FRMD3: variants seen among roughly 807,000 people sequenced by gnomAD.
The protein encoded by FRMD3 is FERM domain-containing protein 3.
Under a neutral mutation model 70.2 loss-of-function variants are expected in FRMD3, and 33 were observed. That is an observed-to-expected ratio of 0.47 (90% CI 0.36 to 0.63). The LOEUF (loss-of-function observed/expected upper bound fraction) is 0.63. FRMD3 is among the 20% of genes least tolerant of loss of function. The pLI is 0.00. For synonymous variants in FRMD3, 279 were observed against 255.9 expected, an observed-to-expected ratio of 1.09 and a Z score of -0.86; for missense variants, 632 against 711.4, an observed-to-expected ratio of 0.89 and a Z score of 1.27.
At chr9:83,458,910 A>G (rs1216881044) in intron 1 of FRMD3, among the ~76,000 whole-genome samples, 1 of 152,226 alleles carries the variant, frequency 6.6e-6, no homozygotes, top group Non-Finnish European at 1.5e-5. Flanking sequence ...GCCAAGCACC[A>G]TTTTCTACTT....
the FRMD3 span, among the ~76,000 whole-genome samples, chr9:83,546,060 C>CA: frequency 0.015 from 1,470 of 95,652 alleles, 11 homozygotes; most frequent in Admixed American, 0.039. Flanking sequence ...TTTCAGTCTT[C>CA]AAAAAAAAAA....
intron 3 of FRMD3, among the ~76,000 whole-genome samples, chr9:83,350,052 G>A (rs982605274): frequency 2.0e-5 from 3 of 152,054 alleles, no homozygotes; most frequent in Non-Finnish European, 4.4e-5. Context: ...ATTCTCTCCA[G>A]CACACAGCTC....
chr9:83,474,448 C>T (rs567150370), intron 1 of FRMD3, among the ~76,000 whole-genome samples: 2 of 152,190 alleles, frequency 1.3e-5, no homozygotes, highest in East Asian at 3.9e-4. Flanking sequence ...TATGAAAAAT[C>T]AAAGGTTCTT....
rs747580779 is a variant in FRMD3, at chr9:83,537,587, G to A, written c.147+498C>T. ...GGCGGAGGGTGAGGGGGACCGACAC[G>A]GAGCGGAAAGCAGGTTCCGGGACTG... On this transcript the variant is annotated intron_variant, in intron 1 of 13. Transcript: ENST00000304195. This position sits in a 1 kb window ranked among gnomAD's most constrained non-coding sequence, Gnocchi z 4.1. Among the ~76,000 whole-genome samples, 1 of 152,210 alleles carries A rather than the reference G, an allele frequency of 6.6e-6. No homozygotes were observed. The highest frequency in any genetic ancestry group is 2.1e-4 in the South Asian group (1 of 4,834).
intron 1 of FRMD3, among the ~76,000 whole-genome samples, chr9:83,470,888 G>A (rs1828252162): frequency 6.6e-6 from 1 of 152,228 alleles, no homozygotes; most frequent in South Asian, 2.1e-4. Flanking sequence ...AAAAGTGACT[G>A]AAGAATGTGA....
the FRMD3 span, among the ~76,000 whole-genome samples, chr9:83,573,786 T>C: frequency 6.6e-6 from 1 of 150,720 alleles, no homozygotes; most frequent in African/African-American, 2.4e-5. Context: ...ACCCCCCACC[T>C]TGCCACCCAT....
rs753230861 is a variant in FRMD3, at chr9:83,248,031, C to T, written c.1681G>A (p.Glu561Lys). 18 of 1,613,934 alleles carry T rather than the reference C, an allele frequency of 1.1e-5. No homozygotes were observed. Among genetic ancestry groups the T allele is most frequent in the Admixed American group, 1.7e-5 (1 of 59,992 alleles). Residue 561 changes from glutamate (E) to lysine (K), a missense_variant, in exon 14 of 14, where the codon GAA becomes AAA. Glu to Lys is a moderately conservative substitution (Grantham distance 56). Transcript: ENST00000304195. ...TCAAACTCTGGTGTCTGGCGGATTT[C>T]GCATAAGAAGGAGAGATCAATACCT... The part of the protein sequence containing the change: ...ESGIDLSFLC[E>K]IRQTPEFEQF...
chr9:83,247,973 T>A lies in FRMD3; in HGVS notation c.1739A>T (p.Lys580Met), dbSNP rs1832192090. ...QFHYEYYCPL[K>M]EWVAGKVHLI... ...GTGGACTTTCCCAGCCACCCACTCCTTGAGGGGACAGTAGTATTCATAGTG... is the reference window on the plus strand; with the variant it reads ...GTGGACTTTCCCAGCCACCCACTCCATGAGGGGACAGTAGTATTCATAGTG... The change falls in exon 14 of 14, where the codon AAG (lysine) becomes ATG (methionine). Residue 580 changes from lysine (K) to methionine (M), a missense_variant. Around this residue, in one of 3 missense-constraint regions of FRMD3, gnomAD observed 418 missense variants for 442.1 expected, o/e 0.95. Coordinates refer to ENST00000304195, the MANE Select transcript of FRMD3 (RefSeq NM_174938.6). 1 of 1,614,070 alleles carries A rather than the reference T, an allele frequency of 6.2e-7. No homozygotes were observed. Among genetic ancestry groups the A allele is most frequent in the Non-Finnish European group, 8.5e-7 (1 of 1,180,040 alleles).
intron 1 of FRMD3, among the ~76,000 whole-genome samples, chr9:83,417,535 T>C (rs1407044196): frequency 1.3e-5 from 2 of 152,186 alleles, no homozygotes; most frequent in East Asian, 3.8e-4. Context: ...AACAGTTCTA[T>C]AGAGAGTGAA....
chr9:83,422,390 T>C (rs538842791), intron 1 of FRMD3, among the ~76,000 whole-genome samples: 2 of 152,166 alleles, frequency 1.3e-5, no homozygotes, highest in East Asian at 1.9e-4. Context: ...TTCCCACTCT[T>C]AGGTTATGTC....
chr9:83,390,045 C>T (rs1261196049), intron 1 of FRMD3, among the ~76,000 whole-genome samples: 1 of 152,170 alleles, frequency 6.6e-6, no homozygotes. Flanking sequence ...TGTGGAGGTC[C>T]ACAATTTGGA....
intron 2 of FRMD3, among the ~76,000 whole-genome samples, chr9:83,382,376 T>C (rs1825384165): frequency 6.6e-6 from 1 of 152,202 alleles, no homozygotes; most frequent in South Asian, 2.1e-4. Context: ...CTTTAAAGCA[T>C]GGAAGAGTAA....
intron 1 of FRMD3, among the ~76,000 whole-genome samples, chr9:83,491,047 T>G (rs748904357): frequency 6.6e-6 from 1 of 152,190 alleles, no homozygotes; most frequent in Non-Finnish European, 1.5e-5. Flanking sequence ...TATTAGCCTA[T>G]TGAAGTCTCT....
chr9:83,486,420 T>C (rs965828064), intron 1 of FRMD3, among the ~76,000 whole-genome samples: 1 of 152,164 alleles, frequency 6.6e-6, no homozygotes, highest in Non-Finnish European at 1.5e-5. Flanking sequence ...TGGCCTGTCA[T>C]TCAAATAGCC....
chr9:83,467,173 G>T (rs1463413348), intron 1 of FRMD3, among the ~76,000 whole-genome samples: 1 of 152,162 alleles, frequency 6.6e-6, no homozygotes, highest in Non-Finnish European at 1.5e-5. Flanking sequence ...ATGGTAAAAA[G>T]ATTTCTCTTA....
intron 13 of FRMD3, chr9:83,266,996 A>G: frequency 6.5e-7 from 1 of 1,549,662 alleles, no homozygotes; most frequent in East Asian, 2.4e-5. Context: ...ATGACAGCCC[A>G]GGGCACCACA....
intron 1 of FRMD3, among the ~76,000 whole-genome samples, chr9:83,528,692 A>C (rs973133703): frequency 6.6e-6 from 1 of 151,920 alleles, no homozygotes; most frequent in African/African-American, 2.4e-5. Flanking sequence ...AAGCCCAGCT[A>C]ATTTTTGTAT....
At chr9:83,343,011 G>A (rs564107853) in intron 5 of FRMD3, among the ~76,000 whole-genome samples, 179 bp downstream of exon 5, 101 of 152,068 alleles carry the variant, frequency 6.6e-4, no homozygotes, top group African/African-American at 1.4e-3. Flanking sequence ...GCCTTTCACC[G>A]GGACCCCACT....
At chr9:83,289,036 C>T (rs1834320045) in intron 13 of FRMD3, among the ~76,000 whole-genome samples, 1 of 152,170 alleles carries the variant, frequency 6.6e-6, no homozygotes, top group Non-Finnish European at 1.5e-5. Context: ...CTTCTCTTTT[C>T]TTCTCTATTA....
Sources: allele counts gnomAD v4.1 joint callset (sites outside exome capture counted in the v4.1 genomes callset), GRCh38; gene constraint gnomAD v4.1.1; regional missense constraint gnomAD v4.1.1; non-coding constraint Gnocchi (gnomAD v3.1); transcripts MANE v1.5; gene names NCBI Gene and HGNC (gene_info 2026-07-23, HGNC 2026-07-21).